The following FOXO3 variants were observed in gnomAD, a reference collection of about 807,000 sequenced individuals.
FOXO3 encodes the protein forkhead box protein O3.
A neutral mutation model predicts 41.9 loss-of-function variants in FOXO3; 4 were observed. The ratio of observed to expected loss-of-function variants is 0.10; its 90% confidence interval spans 0.05 to 0.22. The LOEUF is 0.22. Among genes scored for constraint, FOXO3 ranks in the 10% least tolerant of loss-of-function variants. The pLI, the probability that FOXO3 is intolerant of heterozygous loss-of-function variation, is 1.00. For synonymous variants in FOXO3, 318 were observed against 389.3 expected, an observed-to-expected ratio of 0.82 and a Z score of 2.16; for missense variants, 534 against 906.8, an observed-to-expected ratio of 0.59 and a Z score of 5.28.
intron 1 of FOXO3, among the ~76,000 whole-genome samples, chr6:108,622,803 C>T (rs1425461222): frequency 6.6e-6 from 1 of 151,990 alleles, no homozygotes; most frequent in Non-Finnish European, 1.5e-5. Context: ...TAGCAGAAGA[C>T]GTAGATGCAG....
At chr6:108,578,079 A>G (rs1034251009) in intron 1 of FOXO3, among the ~76,000 whole-genome samples, 3 of 152,218 alleles carry the variant, frequency 2.0e-5, no homozygotes, top group Non-Finnish European at 4.4e-5. Context: ...GTGCAACCTA[A>G]TCTGATATAC....
At chr6:108,560,280 T>G (rs1201988533), upstream of FOXO3, among the ~76,000 whole-genome samples, 1 of 152,186 alleles carries the variant, frequency 6.6e-6, no homozygotes, top group Non-Finnish European at 1.5e-5. Flanking sequence ...AAGATTTATG[T>G]TCCGACTCGC....
At chr6:108,616,670 CA>C (rs149934368) in intron 1 of FOXO3, among the ~76,000 whole-genome samples, 2,463 of 152,254 alleles carry the variant, frequency 0.016, 126 homozygotes, top group Admixed American at 0.09. Context: ...TTAAAGTTTG[CA>C]AATTGATGGT....
At position 108,682,069 on chromosome 6, in the gene FOXO3, A is replaced by G. The variant is rs182233501; in HGVS notation, c.*2277A>G. 1 of 152,584 alleles carries G rather than the reference A, an allele frequency of 6.6e-6. No homozygotes were observed. The highest frequency in any genetic ancestry group is 6.5e-5 in the Admixed American group (1 of 15,298). 9.5% of individuals were successfully genotyped at this position (152,584 alleles called of 1,614,324 possible). On this transcript the variant is annotated 3_prime_UTR_variant, in exon 3 of 3. Coordinates refer to ENST00000406360, the MANE Select transcript of FOXO3 (RefSeq NM_001455.4). ...TAGGGTCCTGAGAACTTCTGAGTTC[A>G]GAGAAACATGCAAAGTGACTAACAA...
At chr6:108,613,286 C>T (rs1777411653) in intron 1 of FOXO3, among the ~76,000 whole-genome samples, 1 of 152,166 alleles carries the variant, frequency 6.6e-6, no homozygotes, top group Admixed American at 6.5e-5. Flanking sequence ...CCCTGTTCTG[C>T]TCTGGTAGCA....
chr6:108,583,629 G>A (rs1198055659), intron 1 of FOXO3, among the ~76,000 whole-genome samples: 3 of 152,172 alleles, frequency 2.0e-5, no homozygotes, highest in Admixed American at 6.5e-5. Flanking sequence ...CCCCAAAGCA[G>A]CTTTCTGTAA....
At chr6:108,605,662 G>C (rs73763150) in intron 1 of FOXO3, among the ~76,000 whole-genome samples, 168 of 152,332 alleles carry the variant, frequency 1.1e-3, no homozygotes, top group African/African-American at 3.9e-3. Flanking sequence ...GGGATGATTA[G>C]AATTATCCTA....
At chr6:108,573,591 G>A (rs994050716) in intron 1 of FOXO3, among the ~76,000 whole-genome samples, 30 of 152,328 alleles carry the variant, frequency 2.0e-4, no homozygotes, top group Admixed American at 2.0e-3. Context: ...ACTTTGGTAG[G>A]CTGAGGCGGG....
At chr6:108,631,105 T>G (rs1232593553) in intron 1 of FOXO3, among the ~76,000 whole-genome samples, 1 of 152,210 alleles carries the variant, frequency 6.6e-6, no homozygotes, top group African/African-American at 2.4e-5. Flanking sequence ...TTTATCATCA[T>G]GAACCATCAG....
intron 2 of FOXO3, among the ~76,000 whole-genome samples, chr6:108,665,289 AG>A (rs1191873709): frequency 6.6e-6 from 1 of 152,188 alleles, no homozygotes; most frequent in East Asian, 1.9e-4. Flanking sequence ...TCCCAGCCAA[AG>A]GGCTTTCCTA....
In FOXO3 at chr6:108,664,756, C is replaced by T. The variant is rs1173420504; in HGVS notation, c.1923C>T (p.Asn641=). 7.7e-6 allele frequency: 11 copies of T among 1,434,904 alleles called. No individual in the cohort carries two copies. The highest frequency in any genetic ancestry group is 1.1e-5 in the Non-Finnish European group (11 of 1,032,836). 88.9% of individuals were successfully genotyped at this position (1,434,904 alleles called of 1,614,324 possible). The part of the protein sequence containing the change: ...ELMDADGLDF[N]FDSLISTQNV... ...TGGATGCTGATGGGTTGGATTTTAA[C>T]TTTGATTCCCTCATCTCCACACAGA... Residue 641 remains asparagine (N), a synonymous_variant, in exon 2 of 3, where the codon AAC becomes AAT. Transcript: ENST00000406360.
chr6:108,659,501 A>G (rs1562261347), intron 1 of FOXO3, among the ~76,000 whole-genome samples: 1 of 152,188 alleles, frequency 6.6e-6, no homozygotes, highest in Non-Finnish European at 1.5e-5. Flanking sequence ...AAGTTATTTA[A>G]TATCTCTCAG....
intron 1 of FOXO3, among the ~76,000 whole-genome samples, chr6:108,570,251 G>A (rs1469598945): frequency 1.3e-5 from 2 of 151,850 alleles, no homozygotes; most frequent in East Asian, 1.9e-4. Context: ...TGCCTGCCTC[G>A]GCCTCCCAAA....
chr6:108,624,537 G>T (rs1211536818), intron 1 of FOXO3, among the ~76,000 whole-genome samples: 1 of 152,118 alleles, frequency 6.6e-6, no homozygotes, highest in Non-Finnish European at 1.5e-5. Flanking sequence ...ATTTGTAGTT[G>T]TTGGGCACAT....
intron 2 of FOXO3, among the ~76,000 whole-genome samples, chr6:108,669,194 T>C (rs112209748): frequency 1.6e-4 from 25 of 152,380 alleles, no homozygotes; most frequent in African/African-American, 2.4e-4. Flanking sequence ...GTCTATGTTA[T>C]GATACAGAGC....
intron 1 of FOXO3, among the ~76,000 whole-genome samples, chr6:108,584,805 C>G (rs952132896): frequency 6.6e-6 from 1 of 152,006 alleles, no homozygotes; most frequent in African/African-American, 2.4e-5. Flanking sequence ...AATAGAATAA[C>G]AATAATGATA....
At chr6:108,613,535 C>G (rs1777417847) in intron 1 of FOXO3, among the ~76,000 whole-genome samples, 1 of 152,066 alleles carries the variant, frequency 6.6e-6, no homozygotes. Flanking sequence ...TTATAATGTT[C>G]TCTTATTATC....
chr6:108,636,757 A>G (rs1177125003), intron 1 of FOXO3, among the ~76,000 whole-genome samples: 1 of 152,016 alleles, frequency 6.6e-6, no homozygotes, highest in Non-Finnish European at 1.5e-5. Flanking sequence ...GGAAGCAAAG[A>G]CCACCCAGCC....
intron 1 of FOXO3, among the ~76,000 whole-genome samples, chr6:108,568,417 T>A (rs1388220951): frequency 1.3e-5 from 2 of 151,222 alleles, no homozygotes; most frequent in African/African-American, 4.9e-5. Flanking sequence ...GTGTTCTCCA[T>A]CAGCACTCTC....
Sources: allele counts gnomAD v4.1 joint callset (sites outside exome capture counted in the v4.1 genomes callset), GRCh38; gene constraint gnomAD v4.1.1; transcripts MANE v1.5; gene names NCBI Gene and HGNC (gene_info 2026-07-23, HGNC 2026-07-21).